Variants in FHIT observed in about 807,000 individuals in gnomAD.
The protein encoded by FHIT is fragile histidine triad diadenosine triphosphatase.
Under a neutral mutation model 17.9 loss-of-function variants are expected in FHIT, and 19 were observed. The ratio of observed to expected loss-of-function variants is 1.06; its 90% confidence interval spans 0.74 to 1.56. The LOEUF is 1.56. Ranked by LOEUF, FHIT falls within the 40% of genes most tolerant of loss-of-function variation. FHIT has a pLI of 0.00. For synonymous variants in FHIT, 81 were observed against 69.7 expected (o/e 1.16, Z -0.81); for missense variants, 248 against 189.2 (o/e 1.31, Z -1.82).
chr3:60,010,599 T>C (rs1438154549), intron 7 of FHIT, among the ~76,000 whole-genome samples: 1 of 152,230 alleles, frequency 6.6e-6, no homozygotes, highest in Non-Finnish European at 1.5e-5. Flanking sequence ...GACTTGCTTC[T>C]GACTTCTAGC....
At chr3:60,004,588 A>G (rs1699852561) in intron 7 of FHIT, among the ~76,000 whole-genome samples, 1 of 152,130 alleles carries the variant, frequency 6.6e-6, no homozygotes, top group Admixed American at 6.6e-5. Flanking sequence ...GTGACAAAAT[A>G]TTTACAAAAC....
At chr3:59,929,363 GTTTTTTTTTTTTTTT>G (rs869243844) in intron 7 of FHIT, among the ~76,000 whole-genome samples, 2 of 67,052 alleles carry the variant, frequency 3.0e-5, no homozygotes, top group African/African-American at 1.1e-4. Context: ...TGTTTTTTTG[GTTTTTTTTTTTTTTT>G]TTTTTTTTTT....
chr3:60,779,375 G>T (rs1553725219), intron 4 of FHIT, among the ~76,000 whole-genome samples: 1 of 152,190 alleles, frequency 6.6e-6, no homozygotes, highest in Admixed American at 6.5e-5. Context: ...AAGAACAGGA[G>T]GGATGGGTAA....
intron 5 of FHIT, among the ~76,000 whole-genome samples, chr3:60,177,902 C>T (rs1701751898): frequency 6.6e-6 from 1 of 152,170 alleles, no homozygotes; most frequent in African/African-American, 2.4e-5. Context: ...AGATAATGTA[C>T]TTCAAGTCCC....
chr3:60,724,153 C>G (rs1553708770), intron 4 of FHIT, among the ~76,000 whole-genome samples: 2 of 152,174 alleles, frequency 1.3e-5, no homozygotes, highest in African/African-American at 4.8e-5. Flanking sequence ...TTTCTCCCAA[C>G]CACCCAGCTA....
At chr3:60,741,819 T>A (rs1363841485) in intron 4 of FHIT, among the ~76,000 whole-genome samples, 1 of 152,192 alleles carries the variant, frequency 6.6e-6, no homozygotes, top group African/African-American at 2.4e-5. Flanking sequence ...CCAAACTGAA[T>A]CTGTACTTTG....
At chr3:61,213,820 T>A (rs1464611214) in intron 1 of FHIT, among the ~76,000 whole-genome samples, 1 of 152,208 alleles carries the variant, frequency 6.6e-6, no homozygotes, top group Admixed American at 6.5e-5. Flanking sequence ...CAGACCACAG[T>A]GCAATCAAAC....
chr3:60,078,482 A>G (rs1703131010), intron 5 of FHIT, among the ~76,000 whole-genome samples: 1 of 152,178 alleles, frequency 6.6e-6, no homozygotes, highest in South Asian at 2.1e-4. Flanking sequence ...CAAGGTCATG[A>G]AAGACAAAGT....
At chr3:60,030,710 G>A (rs749047222) in intron 5 of FHIT, among the ~76,000 whole-genome samples, 3 of 152,120 alleles carry the variant, frequency 2.0e-5, no homozygotes, top group Non-Finnish European at 2.9e-5. Flanking sequence ...CTGAATTGGT[G>A]GGTCAATGGA....
chr3:59,869,405 C>T (rs151055290), intron 8 of FHIT, among the ~76,000 whole-genome samples: 16 of 152,010 alleles, frequency 1.1e-4, no homozygotes, highest in African/African-American at 3.9e-4. Flanking sequence ...AAAAACCATC[C>T]TTCACTGAGT....
At chr3:60,939,772 T>C (rs1304348505) in intron 3 of FHIT, among the ~76,000 whole-genome samples, 1 of 152,146 alleles carries the variant, frequency 6.6e-6, no homozygotes, top group East Asian at 1.9e-4. Flanking sequence ...TAATAATCTA[T>C]AATACACATA....
chr3:60,395,445 T>C (rs185821159), intron 5 of FHIT, among the ~76,000 whole-genome samples: 25 of 152,250 alleles, frequency 1.6e-4, no homozygotes, highest in Admixed American at 5.2e-4. Context: ...TCCATAGCCT[T>C]CACTCTTAAT....
chr3:59,791,889 A>G (rs1699577320), intron 8 of FHIT, among the ~76,000 whole-genome samples: 1 of 152,150 alleles, frequency 6.6e-6, no homozygotes, highest in African/African-American at 2.4e-5. Flanking sequence ...AAGAGAGAAA[A>G]TGGCCTTCAG....
intron 4 of FHIT, among the ~76,000 whole-genome samples, chr3:60,785,334 G>A (rs941219906): frequency 6.6e-6 from 1 of 152,304 alleles, no homozygotes; most frequent in East Asian, 1.9e-4. Flanking sequence ...AATAGAAAAT[G>A]TAACAATAGG....
At chr3:60,575,485 A>G (rs1553657265) in intron 4 of FHIT, among the ~76,000 whole-genome samples, 2 of 152,172 alleles carry the variant, frequency 1.3e-5, no homozygotes, top group African/African-American at 4.8e-5. Flanking sequence ...GGGAGACCCA[A>G]TGGAAACTGT....
intron 5 of FHIT, among the ~76,000 whole-genome samples, chr3:60,184,849 TA>T (rs1189863847): frequency 2.0e-4 from 31 of 152,306 alleles, no homozygotes; most frequent in Admixed American, 7.8e-4. Context: ...AATCTTTTTT[TA>T]TATTTTGGGT....
chr3:60,318,729 G>T (rs1319172787), intron 5 of FHIT, among the ~76,000 whole-genome samples: 2 of 152,126 alleles, frequency 1.3e-5, no homozygotes, highest in Admixed American at 6.5e-5. Context: ...ATTCATTTTT[G>T]ATTGCTGCTG....
intron 5 of FHIT, among the ~76,000 whole-genome samples, chr3:60,247,127 T>C (rs1245422371): frequency 2.6e-5 from 4 of 152,088 alleles, no homozygotes; most frequent in East Asian, 1.9e-4. Context: ...ATAGGGAATA[T>C]TGATAAGTAT....
intron 4 of FHIT, among the ~76,000 whole-genome samples, chr3:60,548,103 T>C (rs1165412983): frequency 6.6e-6 from 1 of 150,956 alleles, no homozygotes; most frequent in Non-Finnish European, 1.5e-5. Context: ...TGGCAGTGGA[T>C]ATAAAGCAGG....
Sources: allele counts gnomAD v4.1 joint callset (sites outside exome capture counted in the v4.1 genomes callset), GRCh38; gene constraint gnomAD v4.1.1; transcripts MANE v1.5; gene names NCBI Gene and HGNC (gene_info 2026-07-23, HGNC 2026-07-21).